Variants in TENM3 observed in about 807,000 individuals in gnomAD.
TENM3 encodes teneurin-3.
In TENM3, 63 loss-of-function variants were observed where a neutral mutation model predicts 255.1. The observed-to-expected ratio is 0.25, with a 90% confidence interval of 0.20 to 0.30. The LOEUF (loss-of-function observed/expected upper bound fraction) is 0.30. Ranked by LOEUF, TENM3 falls within the 10% of genes least tolerant of loss-of-function variation. The pLI, the probability that TENM3 is intolerant of heterozygous loss-of-function variation, is 1.00. For missense variants in TENM3, 2,929 were observed against 3,461.1 expected, an observed-to-expected ratio of 0.85 and a Z score of 3.86; for synonymous variants, 1,306 against 1,322.3, an observed-to-expected ratio of 0.99 and a Z score of 0.27.
At chr4:181,825,215 A>G in the TENM3 span, among the ~76,000 whole-genome samples, 1 of 152,180 alleles carries the variant, frequency 6.6e-6, no homozygotes, top group Non-Finnish European at 1.5e-5. Flanking sequence ...ATCCTGGACA[A>G]CATGGTGAAA....
the TENM3 span, among the ~76,000 whole-genome samples, chr4:181,460,423 G>C: frequency 6.6e-6 from 1 of 151,826 alleles, no homozygotes; most frequent in Admixed American, 6.6e-5. Context: ...GCACATAGTG[G>C]AGTGTTGTAT....
the TENM3 span, among the ~76,000 whole-genome samples, chr4:181,963,677 G>C: frequency 6.6e-6 from 1 of 152,172 alleles, no homozygotes; most frequent in Non-Finnish European, 1.5e-5. Flanking sequence ...AATGAACTGT[G>C]TATATTAAAT....
the TENM3 span, among the ~76,000 whole-genome samples, chr4:181,492,621 C>T: frequency 6.6e-5 from 10 of 152,206 alleles, no homozygotes; most frequent in East Asian, 3.9e-4. Context: ...TGAATATTTT[C>T]GGTTTTATTT....
the TENM3 span, among the ~76,000 whole-genome samples, chr4:181,469,379 T>C: frequency 2.0e-5 from 3 of 152,332 alleles, no homozygotes; most frequent in Non-Finnish European, 4.4e-5. Context: ...TAAATTATTG[T>C]GGCAATTAAG....
At position 182,625,020 on chromosome 4, in the gene TENM3, C is replaced by G. The variant is rs576010816; in HGVS notation, c.750-3631C>G. Among the ~76,000 whole-genome samples the G allele has an allele frequency of 1.2e-4, 19 of 152,258 alleles. 1 individual carries two copies. In the East Asian group the frequency reaches 3.7e-3, roughly 29 times the overall value. On this transcript the variant is annotated intron_variant, in intron 4 of 27. Coordinates refer to ENST00000511685, the MANE Select transcript of TENM3 (RefSeq NM_001080477.4). ...ATTTGGAGGATGAAGGCTGAAAATA[C>G]AAATAGGCATTTTATTCTTCACCGC...
the TENM3 span, among the ~76,000 whole-genome samples, chr4:181,469,682 T>TTA: frequency 2.0e-5 from 3 of 151,862 alleles, no homozygotes; most frequent in African/African-American, 4.8e-5. Flanking sequence ...CAGAAAATTG[T>TTA]TGAGTAGTTA....
chr4:182,022,114 G>A, the TENM3 span, among the ~76,000 whole-genome samples: 5 of 151,064 alleles, frequency 3.3e-5, 1 homozygote, highest in African/African-American at 1.2e-4. Context: ...ATGTTTGTTT[G>A]TTCACAATAA....
the TENM3 span, among the ~76,000 whole-genome samples, chr4:182,069,761 A>G: frequency 0.71 from 107,763 of 151,482 alleles, 39,038 homozygotes; most frequent in East Asian, 0.87. Flanking sequence ...AGGTCATGAC[A>G]GCTCTCCCTC....
At chr4:181,620,015 C>A in the TENM3 span, among the ~76,000 whole-genome samples, 9 of 152,136 alleles carry the variant, frequency 5.9e-5, no homozygotes, top group Admixed American at 3.3e-4. Flanking sequence ...TTCTCCCTCA[C>A]TTTGGGAGGC....
At chr4:181,518,286 T>C in the TENM3 span, among the ~76,000 whole-genome samples, 1 of 151,972 alleles carries the variant, frequency 6.6e-6, no homozygotes, top group African/African-American at 2.4e-5. Context: ...ATATGTAAAC[T>C]GTCAGCATGT....
At chr4:182,182,950 G>C (rs1311248534) in intron 1 of TENM3, among the ~76,000 whole-genome samples, 1 of 152,046 alleles carries the variant, frequency 6.6e-6, no homozygotes, top group Non-Finnish European at 1.5e-5. Context: ...ACCCTTTTTG[G>C]AACATGGAAT....
intron 5 of TENM3, among the ~76,000 whole-genome samples, chr4:182,629,528 A>G (rs183826894): frequency 2.0e-5 from 3 of 152,328 alleles, no homozygotes; most frequent in African/African-American, 4.8e-5. Flanking sequence ...TAACCATTTC[A>G]TAACATATCT....
the TENM3 span, among the ~76,000 whole-genome samples, chr4:181,601,654 A>G: frequency 6.6e-6 from 1 of 152,162 alleles, no homozygotes; most frequent in Non-Finnish European, 1.5e-5. Flanking sequence ...TTTTAAATAT[A>G]TTGTTTAGTT....
chr4:182,011,427 C>G, the TENM3 span, among the ~76,000 whole-genome samples: 2 of 152,142 alleles, frequency 1.3e-5, no homozygotes, highest in Non-Finnish European at 2.9e-5. Context: ...CACCACAACT[C>G]TGATCACCAA....
chr4:182,717,666 G>T (rs1419540100), intron 13 of TENM3, among the ~76,000 whole-genome samples: 6 of 152,168 alleles, frequency 3.9e-5, no homozygotes, highest in African/African-American at 1.4e-4. Context: ...CCAGATAATT[G>T]TGGATAATAT....
intron 3 of TENM3, among the ~76,000 whole-genome samples, chr4:182,388,340 G>A (rs191339333): frequency 8.6e-4 from 131 of 152,260 alleles, no homozygotes; most frequent in African/African-American, 2.9e-3. Flanking sequence ...ACAGTCCGAT[G>A]ATGATGATAA....
At chr4:181,796,451 A>G in the TENM3 span, among the ~76,000 whole-genome samples, 1 of 152,202 alleles carries the variant, frequency 6.6e-6, no homozygotes, top group East Asian at 1.9e-4. Context: ...GTCTTTGAGG[A>G]TTCTGCCCTT....
the TENM3 span, among the ~76,000 whole-genome samples, chr4:182,106,713 G>A: frequency 1.3e-5 from 2 of 152,090 alleles, no homozygotes; most frequent in Non-Finnish European, 2.9e-5. Flanking sequence ...ATCCAAATAT[G>A]AGCACCTTTG....
upstream of TENM3, chr4:182,141,489 G>A (rs1284474874): frequency 1.4e-5 from 2 of 138,926 alleles, no homozygotes; most frequent in Non-Finnish European, 3.4e-5. Flanking sequence ...GAACTTCTTT[G>A]TGTGAGAGAC....
Sources: allele counts gnomAD v4.1 joint callset (sites outside exome capture counted in the v4.1 genomes callset), GRCh38; gene constraint gnomAD v4.1.1; transcripts MANE v1.5; gene names NCBI Gene and HGNC (gene_info 2026-07-23, HGNC 2026-07-21).